Variants in BCAN observed in about 807,000 individuals in gnomAD.
BCAN encodes the protein brevican.
In BCAN, 51 loss-of-function variants were observed where a neutral mutation model predicts 92.4. The ratio of observed to expected loss-of-function variants is 0.55; its 90% CI spans 0.44 to 0.70. The LOEUF (loss-of-function observed/expected upper bound fraction) is 0.70. Ranked by LOEUF, BCAN falls within the 30% of genes least tolerant of loss-of-function variation. BCAN has a pLI of 0.00. For missense variants in BCAN, 1,140 were observed against 1,212.1 expected (o/e 0.94, Z 0.88); for synonymous variants, 501 against 505.2 (o/e 0.99, Z 0.11).
chr1:156,642,611 A>C lies in BCAN; in HGVS notation c.-9+336A>C, dbSNP rs968994071. 2.0e-5 allele frequency: 3 copies of C among 152,342 alleles called. No individual in the cohort carries two copies. The highest frequency in any genetic ancestry group is 4.4e-5 in the Non-Finnish European group (3 of 68,192). The allele number at this position is 152,342 out of a possible 1,614,324, so 9.4% of individuals were successfully genotyped here. ...CGAGATTTCCGACCTTGTCCCAGGC[A>C]GGGCGGTAGCGTTCCGGATCAGTCC... is the stretch of plus-strand genomic sequence containing the variant. On this transcript the variant is annotated intron_variant, in intron 1 of 13. Transcript: ENST00000329117. The surrounding 1 kb of genome is among the most constrained non-coding windows in gnomAD (Gnocchi z 4.2).
intron 9 of BCAN, 120 bp from the exon 10 acceptor site, chr1:156,656,818 T>C: frequency 7.2e-7 from 1 of 1,385,824 alleles, no homozygotes; most frequent in Non-Finnish European, 9.8e-7. Flanking sequence ...TGCACCGCCC[T>C]CCTGTCCCCC....
At chr1:156,643,210 T>A (rs552299820) in intron 1 of BCAN, 1 of 152,384 alleles carries the variant, frequency 6.6e-6, no homozygotes, top group East Asian at 1.9e-4. Flanking sequence ...CCAGTGCCTA[T>A]GTTGCTATGG....
intron 5 of BCAN, 60 bp downstream of exon 5, chr1:156,648,170 C>G: frequency 6.3e-7 from 1 of 1,586,478 alleles, no homozygotes; most frequent in South Asian, 1.1e-5. Flanking sequence ...GCCCATAGGT[C>G]CTCCCGGGGC....
rs778156124 is a variant in BCAN at position 156,655,897 on chromosome 1, C to A, written c.1943-385C>A. On this transcript the variant is annotated intron_variant, in intron 8 of 13. Transcript: ENST00000329117. ...CTCCAAGCCTAGAGAAGGAAAATGACCTGCCCAATATCACACAGAAGCCAG... is the reference window on the plus strand; with the variant it reads ...CTCCAAGCCTAGAGAAGGAAAATGAACTGCCCAATATCACACAGAAGCCAG... 7.9e-5 allele frequency among the ~76,000 whole-genome samples: 12 copies of A among 152,316 alleles called. No homozygotes were observed. The South Asian group carries it at 1.9e-3, about 24-fold the overall frequency.
chr1:156,653,524 G>A, intron 8 of BCAN: 1 of 986,304 alleles, frequency 1.0e-6, no homozygotes, highest in Non-Finnish European at 1.2e-6. Context: ...CTCATTCCAT[G>A]GGTCTGTGTC....
rs755858531 is a variant in BCAN at position 156,647,045 on chromosome 1, G to A, written c.336G>A (p.Ala112=). ...ACCGGTTCCGCGTGGCACTGCCTGC[G>A]TACCCAGCGTCGCTCACCGACGTCT... is the stretch of plus-strand genomic sequence containing the variant. ...EAYRFRVALP[A]YPASLTDVSL... is the part of the protein sequence containing the mutation. The change falls in exon 3 of 14, where the codon GCG becomes GCA. Residue 112 remains alanine (A), a synonymous_variant. Transcript: ENST00000329117. The surrounding 1 kb of genome is among the most constrained non-coding windows in gnomAD (Gnocchi z 4.8). 1.2e-6 allele frequency: 2 copies of A among 1,611,854 alleles called. No homozygotes were observed. Among genetic ancestry groups the A allele is most frequent in the South Asian group, 1.1e-5 (1 of 90,990 alleles).
In BCAN at chr1:156,646,044, C is replaced by A; in HGVS notation, c.-8-3C>A. ...ATCTTTCCTTCTCATGTCCCTCTGT[C>A]AGCCTGCAGCATGGCCCAGCTGTTC... On this transcript the variant is annotated splice_polypyrimidine_tract_variant and splice_region_variant and intron_variant, in intron 1 of 13. Coordinates refer to ENST00000329117, the MANE Select transcript of BCAN (RefSeq NM_021948.5). 6.2e-7 allele frequency: 1 copy of A among 1,609,122 alleles called. No homozygotes were observed. The highest frequency in any genetic ancestry group is 1.1e-5 in the South Asian group (1 of 90,856).
rs1401382022 is a variant in BCAN at position 156,658,621 on chromosome 1, T to C, written c.2516T>C (p.Val839Ala). Residue 839 changes from valine to alanine, a missense_variant, in exon 13 of 14, where the codon GTG (valine) becomes GCG (alanine). This residue lies in a region of BCAN where 825 missense variants were observed against 871.8 expected (regional missense o/e 0.95). Coordinates refer to ENST00000329117, the MANE Select transcript of BCAN (RefSeq NM_021948.5). This position sits in a 1 kb window ranked among gnomAD's most constrained non-coding sequence, Gnocchi z 4.4. ...CGGCTGCGCTATGAGGTGGACACTG[T>C]GCTTCGCTACCGGTGCCGGGAAGGA... ...RPRLRYEVDT[V>A]LRYRCREGLA... 1 of 1,614,122 alleles carries C rather than the reference T, an allele frequency of 6.2e-7. No homozygotes were observed. Among genetic ancestry groups the C allele is most frequent in the South Asian group, 1.1e-5 (1 of 91,086 alleles).
At position 156,658,870 on chromosome 1, in the gene BCAN, G is replaced by C; in HGVS notation, c.2628+137G>C. 7.1e-7 allele frequency: 1 copy of C among 1,405,312 alleles called. No individual in the cohort carries two copies. The highest frequency in any genetic ancestry group is 1.2e-5 in the South Asian group (1 of 81,360). The allele number at this position is 1,405,312 out of a possible 1,614,324, so 87.1% of individuals were successfully genotyped here. A position where few individuals can be genotyped will look rare whatever the true frequency, so the allele number is the denominator to read the frequency against. ...CCCCTCTCTGAGGCAAAGGGGAAGAGGTGGGCTGGAGGCTCTGGGGTTCCT... is the reference window on the plus strand; with the variant it reads ...CCCCTCTCTGAGGCAAAGGGGAAGACGTGGGCTGGAGGCTCTGGGGTTCCT... On this transcript the variant is annotated intron_variant, in intron 13 of 13. Coordinates refer to ENST00000329117, the MANE Select transcript of BCAN (RefSeq NM_021948.5). This position sits in a 1 kb window ranked among gnomAD's most constrained non-coding sequence, Gnocchi z 4.4.
At position 156,648,864 on chromosome 1, in the gene BCAN, G is replaced by A. The variant is rs1160965842; in HGVS notation, c.1063+3G>A. ...CTTCAACGTCTACTGCTTCCGAGGT[G>A]AGCCCACCTCCCTGCAGAAGCTGAG... On this transcript the variant is annotated splice_donor_region_variant and intron_variant, in intron 6 of 13. Coordinates refer to ENST00000329117, the MANE Select transcript of BCAN (RefSeq NM_021948.5). 5 of 1,553,128 alleles carry A rather than the reference G, an allele frequency of 3.2e-6. No individual in the cohort carries two copies. Among genetic ancestry groups the A allele is most frequent in the East Asian group, 4.5e-5 (2 of 43,974 alleles).
At position 156,646,796 on chromosome 1, in the gene BCAN, C is replaced by G. The variant is rs1019806165; in HGVS notation, c.92-5C>G. On this transcript the variant is annotated splice_polypyrimidine_tract_variant and splice_region_variant and intron_variant, in intron 2 of 13. Transcript: ENST00000329117. ...TAAGTTCCAGCCGGCTCCACCCGTT[C>G]ACAGAGGACCGCGCTTTTCGCGTGC... 6.5e-7 allele frequency: 1 copy of G among 1,548,546 alleles called. No individual in the cohort carries two copies. The highest frequency in any genetic ancestry group is 1.4e-5 in the African/African-American group (1 of 72,784).
Position 156,657,807 on chromosome 1 carries a change from C to T in BCAN, c.2292+50C>T, listed in dbSNP as rs905666586. 2.0e-6 allele frequency: 3 copies of T among 1,493,494 alleles called. No individual in the cohort carries two copies. The African/African-American group carries it at 4.2e-5, about 21-fold the overall frequency. 92.5% of individuals were successfully genotyped at this position (1,493,494 alleles called of 1,614,324 possible). A position where few individuals can be genotyped will look rare whatever the true frequency, so the allele number is the denominator to read the frequency against. ...CCGTCTAGCTCACTTCCTCTAAGCA[C>T]TTCTGTTCCCTACCACCCCCACCCC... On this transcript the variant is annotated intron_variant, in intron 11 of 13. Coordinates refer to ENST00000329117, the MANE Select transcript of BCAN (RefSeq NM_021948.5).
At chr1:156,654,643 G>A (rs12118135) in intron 8 of BCAN, among the ~76,000 whole-genome samples, 51,720 of 152,082 alleles carry the variant, frequency 0.34, 9,175 homozygotes, top group South Asian at 0.52. Context: ...CTTGGGTAGG[G>A]GACCAAAGAC....
chr1:156,646,833 G>T lies in BCAN; in HGVS notation c.124G>T (p.Asp42Tyr), dbSNP rs1678992510. 5.7e-6 allele frequency: 9 copies of T among 1,581,124 alleles called. No individual in the cohort carries two copies. Among genetic ancestry groups the T allele is most frequent in the Non-Finnish European group, 6.9e-6 (8 of 1,165,154 alleles). Residue 42 changes from aspartate (D) to tyrosine (Y), a missense_variant, in exon 3 of 14, where the codon GAC becomes TAC. This residue lies in a region of BCAN where 286 missense variants were observed against 284.1 expected (regional missense o/e 1.01). Transcript: ENST00000329117. ...DRAFRVRIAGDAPLQGVLGGA... is the reference protein window; with the variant it reads ...DRAFRVRIAGYAPLQGVLGGA... ...CGCTTTTCGCGTGCGCATCGCGGGC[G>T]ACGCGCCACTGCAGGGCGTGCTCGG...
At chr1:156,656,651 A>T in intron 9 of BCAN, 1 of 512,934 alleles carries the variant, frequency 1.9e-6, no homozygotes, top group Non-Finnish European at 3.5e-6. Context: ...GACAGGCTCC[A>T]TTCTCCTGGA....
Position 156,653,041 on chromosome 1 carries a change from A to G in BCAN, c.1942+149A>G, listed in dbSNP as rs1571448267. 3 of 1,497,518 alleles carry G rather than the reference A, an allele frequency of 2.0e-6. No homozygotes were observed. In the East Asian group the frequency reaches 7.0e-5, roughly 35 times the overall value. 92.8% of individuals were successfully genotyped at this position (1,497,518 alleles called of 1,614,324 possible). A position where few individuals can be genotyped will look rare whatever the true frequency, so the allele number is the denominator to read the frequency against. On this transcript the variant is annotated intron_variant, in intron 8 of 13. Transcript: ENST00000329117. The stretch of plus-strand genomic sequence containing the variant: ...TTCATTCTCTTACCCACCTCTACCT[A>G]TGGGTCTCCAATCTCGGATATCCAC...
chr1:156,653,898 TAACTGAGGG>T (rs1679256810), intron 8 of BCAN, among the ~76,000 whole-genome samples: 2 of 152,238 alleles, frequency 1.3e-5, no homozygotes, highest in African/African-American at 4.8e-5. Context: ...AGGGTCATAG[TAACTGAGGG>T]AACTGAGGGT....
At chr1:156,645,639 A>G (rs1678935962) in intron 1 of BCAN, among the ~76,000 whole-genome samples, 1 of 152,166 alleles carries the variant, frequency 6.6e-6, no homozygotes, top group Non-Finnish European at 1.5e-5. Context: ...TTCTGAGTAT[A>G]AGAGCACCCA....
At chr1:156,643,306 A>G (rs1035522793) in intron 1 of BCAN, 4 of 152,202 alleles carry the variant, frequency 2.6e-5, no homozygotes, top group Admixed American at 6.5e-5. Flanking sequence ...TGTCATTGCT[A>G]ATAGTATTAT....
Sources: gnomAD v4.1 joint callset for allele counts (sites outside exome capture counted in the v4.1 genomes callset) on GRCh38, gnomAD v4.1.1 for gene constraint, gnomAD v4.1.1 regional missense constraint, Gnocchi (gnomAD v3.1) non-coding constraint, MANE v1.5 for transcripts, NCBI Gene and HGNC (gene_info 2026-07-23, HGNC 2026-07-21) for gene names.